The following CELF2 variants were observed in gnomAD, a reference collection of about 807,000 sequenced individuals.
The protein encoded by CELF2 is CUGBP Elav-like family member 2.
In CELF2, 8 loss-of-function variants were observed where a neutral mutation model predicts 62.6. The observed-to-expected ratio is 0.13, with a 90% CI of 0.07 to 0.23. CELF2 has a LOEUF of 0.23. CELF2 is among the 10% of genes least tolerant of loss of function. The pLI is 1.00. For missense variants in CELF2, 333 were observed against 671.0 expected (o/e 0.50, Z 5.56); for synonymous variants, 258 against 250.0 (o/e 1.03, Z -0.30).
the CELF2 span, among the ~76,000 whole-genome samples, chr10:10,537,622 A>C: frequency 6.6e-6 from 1 of 152,120 alleles, no homozygotes; most frequent in Non-Finnish European, 1.5e-5. Context: ...TGATCCTGGA[A>C]GTTTTTGGTG....
At chr10:10,512,706 C>T in the CELF2 span, among the ~76,000 whole-genome samples, 4 of 152,140 alleles carry the variant, frequency 2.6e-5, no homozygotes, top group African/African-American at 7.2e-5. Flanking sequence ...TAAGCCACCG[C>T]TCCTGGTCTA....
At chr10:10,926,349 G>A (rs888493608) in intron 2 of CELF2, among the ~76,000 whole-genome samples, 1 of 152,150 alleles carries the variant, frequency 6.6e-6, no homozygotes, top group Non-Finnish European at 1.5e-5. Flanking sequence ...GCCATGTGAG[G>A]ACCCAATGTT....
At chr10:11,030,741 C>T (rs1006448824) in intron 1 of CELF2, 4 of 152,232 alleles carry the variant, frequency 2.6e-5, no homozygotes, top group Non-Finnish European at 4.4e-5. Context: ...GTGTGAAATA[C>T]AGGTTCTTAG....
At chr10:10,866,738 C>T (rs11256880) in intron 1 of CELF2, among the ~76,000 whole-genome samples, 19,245 of 150,814 alleles carry the variant, frequency 0.13, 1,543 homozygotes, top group Non-Finnish European at 0.19. Flanking sequence ...GGGCAGATCA[C>T]GGTAAAACCC....
At chr10:10,675,585 T>TA in the CELF2 span, among the ~76,000 whole-genome samples, 42,194 of 151,802 alleles carry the variant, frequency 0.28, 6,294 homozygotes, top group South Asian at 0.52. Context: ...TCCCTTCTTA[T>TA]TTCTTTTTAC....
At chr10:11,170,227 G>A (rs1423686675) in intron 2 of CELF2, among the ~76,000 whole-genome samples, 1 of 152,188 alleles carries the variant, frequency 6.6e-6, no homozygotes, top group Non-Finnish European at 1.5e-5. Flanking sequence ...AGAGTGGAAA[G>A]ATACTTCATT....
intron 2 of CELF2, among the ~76,000 whole-genome samples, chr10:10,978,972 T>G (rs2051710762): frequency 6.6e-6 from 1 of 152,200 alleles, no homozygotes; most frequent in African/African-American, 2.4e-5. Context: ...TTGTAGCCCA[T>G]TTGCAGGATT....
In CELF2 at chr10:11,280,989, CGT is replaced by C. The variant is rs60798946; in HGVS notation, c.841+5900_841+5901del. 0.02 allele frequency among the ~76,000 whole-genome samples: 2,871 copies of C among 144,170 alleles called. 30 individuals are homozygous for C. The highest frequency in any genetic ancestry group is 0.032 in the Middle Eastern group (9 of 280). 94.6% of individuals were successfully genotyped at this position (144,170 alleles called of 152,430 possible). A position where few individuals can be genotyped will look rare whatever the true frequency, so the allele number is the denominator to read the frequency against. ...TGGCGTGCGTGTGCATGCCTGTGTG[CGT>C]GTGTGTGTGTGTGTGTGTGTGTGTG... On this transcript the variant is annotated intron_variant, in intron 8 of 12. Coordinates refer to ENST00000633077, the MANE Select transcript of CELF2 (RefSeq NM_001326342.2). The surrounding 1 kb of genome is among the most constrained non-coding windows in gnomAD (Gnocchi z 7.6).
At chr10:10,847,114 AAC>A in intron 1 of CELF2, among the ~76,000 whole-genome samples, 1 of 152,086 alleles carries the variant, frequency 6.6e-6, no homozygotes, top group East Asian at 1.9e-4. Flanking sequence ...ATTTGCAGGA[AAC>A]ACACACAAAA....
At chr10:11,066,338 G>T (rs954113051) in intron 1 of CELF2, among the ~76,000 whole-genome samples, 1 of 151,724 alleles carries the variant, frequency 6.6e-6, no homozygotes, top group African/African-American at 2.4e-5. Context: ...TATGGTGGGT[G>T]TGCTGCCAAT....
In CELF2 at chr10:10,873,424, T is replaced by C. The variant is rs117629369; in HGVS notation, c.54-46540T>C. On this transcript the variant is annotated intron_variant, in intron 1 of 13. Transcript: ENST00000636488. ...GATAAAACTATTAATTGGTTGCCTT[T>C]GCTTTGATAAGCAAACAGGGTTTCT... 3.9e-5 allele frequency among the ~76,000 whole-genome samples: 6 copies of C among 152,352 alleles called. No individual in the cohort carries two copies. In the East Asian group the frequency reaches 9.6e-4, roughly 24 times the overall value.
intron 3 of CELF2, among the ~76,000 whole-genome samples, chr10:11,232,703 A>G (rs1310836479): frequency 6.6e-6 from 1 of 152,198 alleles, no homozygotes; most frequent in East Asian, 1.9e-4. Context: ...ATATTTTTAC[A>G]TAATCTGCTT....
the CELF2 span, among the ~76,000 whole-genome samples, chr10:10,791,860 G>T: frequency 1.3e-5 from 2 of 151,998 alleles, no homozygotes; most frequent in Non-Finnish European, 2.9e-5. Flanking sequence ...TTCTTAACGG[G>T]GTTTGTATTG....
chr10:11,317,999 G>A (rs778648745), intron 10 of CELF2: 1 of 152,254 alleles, frequency 6.6e-6, no homozygotes, highest in Non-Finnish European at 1.5e-5. Context: ...ATTCTTTTAA[G>A]TGGAAGCATT....
Position 11,242,230 on chromosome 10 carries a change from T to C in CELF2, c.355-6923T>C, listed in dbSNP as rs981152437. On this transcript the variant is annotated intron_variant, in intron 3 of 12. Transcript: ENST00000633077. This position sits in a 1 kb window ranked among gnomAD's most constrained non-coding sequence, Gnocchi z 4.8. ...TGACTCTGTAAAAACCCATTTCAGG[T>C]TAAAAATGGCATGTTTTATTGAATC... Among the ~76,000 whole-genome samples the C allele has an allele frequency of 6.6e-6, 1 of 152,190 alleles. No individual in the cohort carries two copies. Among genetic ancestry groups the C allele is most frequent in the Non-Finnish European group, 1.5e-5 (1 of 68,018 alleles).
the CELF2 span, among the ~76,000 whole-genome samples, chr10:10,630,388 G>A: frequency 3.3e-5 from 5 of 152,232 alleles, no homozygotes; most frequent in Admixed American, 2.0e-4. Flanking sequence ...ATGCTGTGTC[G>A]TCTGAGCAGA....
intron 2 of CELF2, among the ~76,000 whole-genome samples, chr10:10,922,142 C>T (rs2064984349): frequency 6.6e-6 from 1 of 151,850 alleles, no homozygotes; most frequent in Admixed American, 6.6e-5. Context: ...TTACTGTGAT[C>T]CAAATATTTA....
intron 1 of CELF2, among the ~76,000 whole-genome samples, chr10:11,125,672 CGTTTTGCCACACTGCT>C (rs1438509122): frequency 6.6e-6 from 1 of 152,118 alleles, no homozygotes; most frequent in African/African-American, 2.4e-5. Flanking sequence ...GTGATGGTAG[CGTTTTGCCACACTGCT>C]GTCACCTCTC....
At chr10:11,004,866 A>C (rs115484923), upstream of CELF2, among the ~76,000 whole-genome samples, 1,614 of 152,282 alleles carry the variant, frequency 0.011, 24 homozygotes, top group African/African-American at 0.036. The surrounding 1 kb of genome is among the most constrained non-coding windows in gnomAD (Gnocchi z 5.0). Context: ...GTCCCAGAAA[A>C]GAGAGGCAAA....
Sources: allele counts gnomAD v4.1 joint callset (sites outside exome capture counted in the v4.1 genomes callset), GRCh38; gene constraint gnomAD v4.1.1; non-coding constraint Gnocchi (gnomAD v3.1); transcripts MANE v1.5; gene names NCBI Gene and HGNC (gene_info 2026-07-23, HGNC 2026-07-21).